KIF26B: variants seen among roughly 807,000 people sequenced by gnomAD.
KIF26B encodes kinesin family member 26B.
In KIF26B, 63 loss-of-function variants were observed where a neutral mutation model predicts 151.2. The observed-to-expected ratio is 0.42, with a 90% CI of 0.34 to 0.51. The LOEUF (loss-of-function observed/expected upper bound fraction) is 0.51. Among genes scored for constraint, KIF26B ranks in the 20% least tolerant of loss-of-function variants. The pLI is 0.07. For synonymous variants in KIF26B, 1,357 were observed against 1,262.1 expected (o/e 1.08, Z -1.59); for missense variants, 2,813 against 2,913.6 (o/e 0.97, Z 0.79).
At chr1:245,273,133 G>A (rs1054689676) in intron 2 of KIF26B, among the ~76,000 whole-genome samples, 1 of 151,956 alleles carries the variant, frequency 6.6e-6, no homozygotes, top group Non-Finnish European at 1.5e-5. Context: ...GGGATATTGA[G>A]CCAGGCACAG....
At chr1:245,402,711 G>A (rs911168631) in intron 3 of KIF26B, among the ~76,000 whole-genome samples, 1 of 152,184 alleles carries the variant, frequency 6.6e-6, no homozygotes, top group Admixed American at 6.5e-5. Context: ...TCATACTGAA[G>A]GCTGCCTTGG....
At chr1:245,340,444 T>G (rs937797982) in intron 2 of KIF26B, among the ~76,000 whole-genome samples, 1 of 151,996 alleles carries the variant, frequency 6.6e-6, no homozygotes, top group Non-Finnish European at 1.5e-5. Context: ...TTTGAATCCA[T>G]AAATGTGGAA....
At chr1:245,526,357 C>T (rs1365976663) in intron 4 of KIF26B, among the ~76,000 whole-genome samples, 1 of 152,206 alleles carries the variant, frequency 6.6e-6, no homozygotes, top group African/African-American at 2.4e-5. Flanking sequence ...GCCATCTAAA[C>T]ATCTGCCCAG....
intron 4 of KIF26B, among the ~76,000 whole-genome samples, chr1:245,486,839 G>A (rs1400788251): frequency 4.6e-5 from 7 of 152,128 alleles, no homozygotes; most frequent in South Asian, 2.1e-4. Context: ...CCTGGCTAAC[G>A]TTTCCACTTT....
At chr1:245,445,327 G>A (rs1211627943) in intron 4 of KIF26B, among the ~76,000 whole-genome samples, 1 of 152,210 alleles carries the variant, frequency 6.6e-6, no homozygotes, top group Non-Finnish European at 1.5e-5. Context: ...TTAAAATGCA[G>A]TGAATGAAAG....
At chr1:245,299,789 A>G (rs892031478) in intron 2 of KIF26B, among the ~76,000 whole-genome samples, 3 of 152,200 alleles carry the variant, frequency 2.0e-5, no homozygotes, top group African/African-American at 7.2e-5. Flanking sequence ...ATTCGAGTAA[A>G]TAATATCAGC....
intron 5 of KIF26B, among the ~76,000 whole-genome samples, chr1:245,590,037 T>C (rs1195184395): frequency 6.6e-6 from 1 of 151,266 alleles, no homozygotes; most frequent in African/African-American, 2.4e-5. Context: ...GTTTGCTATT[T>C]AACGACAGTC....
intron 5 of KIF26B, among the ~76,000 whole-genome samples, chr1:245,561,913 C>T (rs1435782722): frequency 2.0e-5 from 3 of 152,198 alleles, no homozygotes; most frequent in Admixed American, 6.5e-5. Flanking sequence ...TGCCTCTTCT[C>T]AGTCTCCATC....
At chr1:245,439,546 C>T (rs1197466170) in intron 4 of KIF26B, among the ~76,000 whole-genome samples, 1 of 151,832 alleles carries the variant, frequency 6.6e-6, no homozygotes, top group Non-Finnish European at 1.5e-5. Context: ...CTATTTTTTC[C>T]CCCAAGGGCT....
chr1:245,426,830 G>C (rs953679500), intron 4 of KIF26B, among the ~76,000 whole-genome samples: 35 of 152,210 alleles, frequency 2.3e-4, no homozygotes, highest in African/African-American at 7.7e-4. Flanking sequence ...GCTGTTACTG[G>C]TCTGATGACC....
chr1:245,439,381 A>C (rs1361246236), intron 4 of KIF26B, among the ~76,000 whole-genome samples: 2 of 151,582 alleles, frequency 1.3e-5, no homozygotes, highest in Non-Finnish European at 2.9e-5. Context: ...GAAAGGTAAT[A>C]AATGAATTTT....
chr1:245,625,118 A>G (rs535052550), intron 9 of KIF26B, among the ~76,000 whole-genome samples: 23 of 152,176 alleles, frequency 1.5e-4, no homozygotes, highest in African/African-American at 4.8e-4. Flanking sequence ...CCATTGATCT[A>G]TTTGTCTATC....
In KIF26B at chr1:245,264,577, T is replaced by TA. The variant is rs141319028; in HGVS notation, c.466-102247dup. 3.5e-3 allele frequency among the ~76,000 whole-genome samples: 512 copies of TA among 145,700 alleles called. 1 individual carries two copies. Among genetic ancestry groups the TA allele is most frequent in the African/African-American group, 0.011 (433 of 39,706 alleles). On this transcript the variant is annotated intron_variant, in intron 2 of 14. Transcript: ENST00000407071. ...CCAACTTGTTCTAGATTATTGTTCTTAAAAAAAAAACAAAACAAAAAAAAA... is the reference window on the plus strand; with the variant it reads ...CCAACTTGTTCTAGATTATTGTTCTTAAAAAAAAAAACAAAACAAAAAAAAA...
At chr1:245,656,830 G>A (rs918939758) in intron 10 of KIF26B, among the ~76,000 whole-genome samples, 2 of 151,978 alleles carry the variant, frequency 1.3e-5, no homozygotes, top group African/African-American at 2.4e-5. Context: ...ATGAGGTTTT[G>A]TGTGTAATTC....
intron 10 of KIF26B, among the ~76,000 whole-genome samples, chr1:245,662,674 GATACATAT>G (rs1370708569): frequency 1.0e-3 from 100 of 98,918 alleles, no homozygotes; most frequent in African/African-American, 3.1e-3. Flanking sequence ...TATACCCAAT[GATACATAT>G]ATATACAATA....
chr1:245,210,295 A>G (rs2103543103), intron 2 of KIF26B, among the ~76,000 whole-genome samples: 1 of 152,316 alleles, frequency 6.6e-6, no homozygotes, highest in South Asian at 2.1e-4. Flanking sequence ...AGGTGGCACC[A>G]TGGGCTCCAA....
At chr1:245,376,005 C>G (rs1450405556) in intron 3 of KIF26B, among the ~76,000 whole-genome samples, 1 of 152,138 alleles carries the variant, frequency 6.6e-6, no homozygotes, top group African/African-American at 2.4e-5. Flanking sequence ...CACAGCGACT[C>G]TCCATTGGTA....
intron 10 of KIF26B, among the ~76,000 whole-genome samples, chr1:245,662,431 A>T: frequency 1.6e-5 from 1 of 61,560 alleles, no homozygotes. Flanking sequence ...ACATACACAT[A>T]CCCGATATAT....
chr1:245,655,339 C>A (rs2044061721), intron 10 of KIF26B, among the ~76,000 whole-genome samples: 1 of 152,240 alleles, frequency 6.6e-6, no homozygotes, highest in African/African-American at 2.4e-5. Flanking sequence ...TATCATCTTT[C>A]AGAATCGTGT....
Sources: allele counts gnomAD v4.1 joint callset (sites outside exome capture counted in the v4.1 genomes callset), GRCh38; gene constraint gnomAD v4.1.1; transcripts MANE v1.5; gene names NCBI Gene and HGNC (gene_info 2026-07-23, HGNC 2026-07-21).